Variants in HUNK observed in about 807,000 individuals in gnomAD.
The protein encoded by HUNK is hormonally up-regulated neu tumor-associated kinase.
In HUNK, 21 loss-of-function variants were observed where a neutral mutation model predicts 61.0. That is an observed-to-expected ratio of 0.34 (90% confidence interval 0.24 to 0.50). The LOEUF is 0.50. HUNK is among the 20% of genes least tolerant of loss of function. The pLI is 0.98. For missense variants in HUNK, 772 were observed against 945.7 expected, an observed-to-expected ratio of 0.82 and a Z score of 2.41; for synonymous variants, 371 against 386.1, an observed-to-expected ratio of 0.96 and a Z score of 0.46.
rs544775206 is a variant in HUNK at position 31,953,414 on chromosome 21, A to G, written c.747-5429A>G. On this transcript the variant is annotated intron_variant, in intron 4 of 10. Transcript: ENST00000270112. ...CAAGCCCAGCTCATTATGTATTTTT[A>G]GTAGAGATGGGGTTTCTCCATGTTG... 4.6e-5 allele frequency among the ~76,000 whole-genome samples: 7 copies of G among 152,268 alleles called. No homozygotes were observed. In the South Asian group the frequency reaches 1.5e-3, roughly 32 times the overall value.
Position 31,873,661 on chromosome 21 carries a change from C to T in HUNK, c.-14C>T, listed in dbSNP as rs1319455354. 2.4e-6 allele frequency: 2 copies of T among 842,230 alleles called. No individual in the cohort carries two copies. The highest frequency in any genetic ancestry group is 2.6e-6 in the Non-Finnish European group (2 of 767,606). The allele number at this position is 842,230 out of a possible 1,614,324, so 52.2% of individuals were successfully genotyped here. ...GGGAGACGAGCAGGAGCCGCGCGGG[C>T]CGCGGCGAGCGCGATGCCGGCGGCG... is the stretch of plus-strand genomic sequence containing the variant. On this transcript the variant is annotated 5_prime_UTR_variant, in exon 1 of 11. Transcript: ENST00000270112. The surrounding 1 kb of genome is among the most constrained non-coding windows in gnomAD (Gnocchi z 6.1).
chr21:31,968,208 C>T (rs1370658324), intron 5 of HUNK, 42 bp from the exon 6 acceptor site: 8 of 1,612,522 alleles, frequency 5.0e-6, no homozygotes, highest in Non-Finnish European at 5.9e-6. Context: ...TGTCTGCGTT[C>T]AGCCTGTAAC....
At chr21:31,888,128 T>A (rs754842159) in intron 1 of HUNK, among the ~76,000 whole-genome samples, 11 of 152,112 alleles carry the variant, frequency 7.2e-5, no homozygotes, top group Non-Finnish European at 1.5e-4. Flanking sequence ...TCTCTTAAGT[T>A]TAATGTAGGA....
At chr21:31,965,479 A>T (rs2052958139) in intron 5 of HUNK, among the ~76,000 whole-genome samples, 1 of 152,086 alleles carries the variant, frequency 6.6e-6, no homozygotes. Flanking sequence ...AATTTTTTTT[A>T]AAGTACGTTG....
chr21:31,988,312 G>A (rs1309993485), intron 8 of HUNK, among the ~76,000 whole-genome samples: 2 of 152,024 alleles, frequency 1.3e-5, no homozygotes, highest in Non-Finnish European at 2.9e-5. Flanking sequence ...GAGAGCCCAG[G>A]GCCAGTTTTA....
At chr21:31,884,356 G>T (rs7277638) in intron 1 of HUNK, among the ~76,000 whole-genome samples, 1 of 152,136 alleles carries the variant, frequency 6.6e-6, no homozygotes, top group South Asian at 2.1e-4. Flanking sequence ...CTTTGGGAGG[G>T]CGAGGTGGGT....
intron 2 of HUNK, among the ~76,000 whole-genome samples, chr21:31,938,173 G>A (rs910271426): frequency 6.6e-5 from 10 of 152,134 alleles, no homozygotes; most frequent in African/African-American, 2.2e-4. Context: ...ACAACAGCCT[G>A]GCTGACATAA....
At chr21:31,945,889 TAC>T in intron 3 of HUNK, 145 bp from the exon 4 acceptor site, 1 of 775,922 alleles carries the variant, frequency 1.3e-6, no homozygotes, top group South Asian at 2.0e-5. Context: ...TTGCAGCTGC[TAC>T]AGTTTTCTTT....
At chr21:31,947,621 G>C (rs2052818475) in intron 4 of HUNK, among the ~76,000 whole-genome samples, 1 of 152,194 alleles carries the variant, frequency 6.6e-6, no homozygotes, top group African/African-American at 2.4e-5. Flanking sequence ...CCAGGGTCTG[G>C]TACAGGAAGG....
chr21:31,973,992 A>G (rs909984893), intron 6 of HUNK, among the ~76,000 whole-genome samples: 1 of 152,056 alleles, frequency 6.6e-6, no homozygotes, highest in African/African-American at 2.4e-5. Flanking sequence ...CCATGTATGA[A>G]CTTATGAACT....
chr21:31,996,523 A>C (rs1249843384), intron 10 of HUNK, among the ~76,000 whole-genome samples: 1 of 152,170 alleles, frequency 6.6e-6, no homozygotes, highest in Non-Finnish European at 1.5e-5. Flanking sequence ...ATAACTGACA[A>C]ATATGTTTCC....
intron 1 of HUNK, 120 bp downstream of exon 1, chr21:31,874,055 T>A (rs2052238338): frequency 1.3e-5 from 9 of 714,194 alleles, no homozygotes; most frequent in Non-Finnish European, 1.8e-5. Flanking sequence ...GCCTTCCCCC[T>A]CCGCCCGGCT....
chr21:31,971,869 C>T (rs907345531), intron 6 of HUNK, among the ~76,000 whole-genome samples: 6 of 148,002 alleles, frequency 4.1e-5, no homozygotes, highest in African/African-American at 1.5e-4. Context: ...TCCTTCATAG[C>T]CCAGGCTAGA....
chr21:31,893,411 CTTTG>C (rs1265403756), intron 1 of HUNK, among the ~76,000 whole-genome samples: 6 of 152,154 alleles, frequency 3.9e-5, no homozygotes, highest in African/African-American at 1.2e-4. Flanking sequence ...GGAGCTGCTT[CTTTG>C]TTTGCAGTTT....
At position 31,993,506 on chromosome 21, in the gene HUNK, A is replaced by G. The variant is rs373624386; in HGVS notation, c.1306-2262A>G. On this transcript the variant is annotated intron_variant, in intron 9 of 10. Coordinates refer to ENST00000270112, the MANE Select transcript of HUNK (RefSeq NM_014586.2). Reference sequence around the variant, plus strand: ...GTTTGGAAATGTATGACAAAGGTGCATTTGATTACTTTTTCCTGTAGAAGG... The same window carrying G: ...GTTTGGAAATGTATGACAAAGGTGCGTTTGATTACTTTTTCCTGTAGAAGG... 1.3e-3 allele frequency among the ~76,000 whole-genome samples: 199 copies of G among 152,340 alleles called. 1 individual carries two copies. In the South Asian group the frequency reaches 0.039, roughly 30 times the overall value.
intron 4 of HUNK, among the ~76,000 whole-genome samples, chr21:31,954,398 G>A (rs1272372286): frequency 6.6e-6 from 1 of 152,190 alleles, no homozygotes; most frequent in African/African-American, 2.4e-5. Flanking sequence ...TTAGTTATAA[G>A]TACATGAGCC....
chr21:31,884,903 G>A (rs774468782), intron 1 of HUNK, among the ~76,000 whole-genome samples: 21 of 151,568 alleles, frequency 1.4e-4, no homozygotes, highest in Non-Finnish European at 2.1e-4. Context: ...TCAGCCTCCC[G>A]AGTAGCTGGG....
intron 9 of HUNK, among the ~76,000 whole-genome samples, chr21:31,994,950 C>A (rs1005816646): frequency 1.3e-5 from 2 of 152,112 alleles, no homozygotes; most frequent in Non-Finnish European, 2.9e-5. Context: ...GGCAGGAGTT[C>A]AAAACCAGCC....
In HUNK at chr21:31,974,716, G is replaced by A. The variant is rs1395585516; in HGVS notation, c.1172G>A (p.Gly391Glu). Residue 391 changes from glycine to glutamate, a missense_variant and splice_region_variant, in exon 7 of 11, where the codon GGG (glycine) becomes GAG (glutamate). Physicochemically the swap from Gly to Glu is moderately conservative, Grantham distance 98. This residue lies in a region of HUNK where 413 missense variants were observed against 444.4 expected (regional missense o/e 0.93). Coordinates refer to ENST00000270112, the MANE Select transcript of HUNK (RefSeq NM_014586.2). ...AAGAAACTGGAGCGCTATTTGTCAGGGGTAAGTGCGACCCTAGAGGCGATC... is the reference window on the plus strand; with the variant it reads ...AAGAAACTGGAGCGCTATTTGTCAGAGGTAAGTGCGACCCTAGAGGCGATC... The part of the protein sequence containing the change: ...LNKKLERYLS[G>E]KSDIQDSLCY... 1.2e-6 allele frequency: 2 copies of A among 1,612,432 alleles called. No homozygotes were observed. Among genetic ancestry groups the A allele is most frequent in the East Asian group, 2.2e-5 (1 of 44,828 alleles).
Sources: allele counts gnomAD v4.1 joint callset (sites outside exome capture counted in the v4.1 genomes callset), GRCh38; gene constraint gnomAD v4.1.1; regional missense constraint gnomAD v4.1.1; non-coding constraint Gnocchi (gnomAD v3.1); transcripts MANE v1.5; gene names NCBI Gene and HGNC (gene_info 2026-07-23, HGNC 2026-07-21).